The following PTPDC1 variants were observed in gnomAD, a reference collection of about 807,000 sequenced individuals.
PTPDC1 encodes the protein protein tyrosine phosphatase domain-containing protein 1.
A neutral mutation model predicts 75.3 loss-of-function variants in PTPDC1; 53 were observed. The observed-to-expected ratio is 0.70, with a 90% CI of 0.56 to 0.88. The LOEUF (loss-of-function observed/expected upper bound fraction) is 0.88. Among genes scored for constraint, PTPDC1 ranks in the 40% least tolerant of loss-of-function variants. PTPDC1 has a pLI of 0.00. For synonymous variants in PTPDC1, 349 were observed against 366.2 expected (o/e 0.95, Z 0.54); for missense variants, 925 against 998.6 (o/e 0.93, Z 0.99).
chr9:94,046,953 G>T (rs1163997482), intron 1 of PTPDC1, among the ~76,000 whole-genome samples: 4 of 152,160 alleles, frequency 2.6e-5, no homozygotes, highest in Non-Finnish European at 5.9e-5. Flanking sequence ...TCCAGTTTTT[G>T]CCCATTCAGT....
chr9:94,107,053 C>T (rs756942588), intron 8 of PTPDC1, among the ~76,000 whole-genome samples: 9 of 152,020 alleles, frequency 5.9e-5, no homozygotes, highest in Admixed American at 2.0e-4. Context: ...TCCTGGGCTC[C>T]GGCAATCCTC....
rs1827504371 is a variant in PTPDC1, at chr9:94,095,064, G to A, written c.617-253G>A. On this transcript the variant is annotated intron_variant, in intron 4 of 8. Transcript: ENST00000620992. The stretch of plus-strand genomic sequence containing the variant: ...TGCGTCGCTCACGCTGGGAGCTGTA[G>A]ACCGGAGCTGTTCCTATTCGGCCAT... Among the ~76,000 whole-genome samples the A allele has an allele frequency of 1.3e-5, 2 of 152,250 alleles. 1 individual carries two copies. Among genetic ancestry groups the A allele is most frequent in the African/African-American group, 4.8e-5 (2 of 41,468 alleles).
chr9:94,103,968 G>C (rs549019425), intron 7 of PTPDC1, among the ~76,000 whole-genome samples: 1 of 152,290 alleles, frequency 6.6e-6, no homozygotes, highest in South Asian at 2.1e-4. Flanking sequence ...GAAACAACAA[G>C]AATGGGAAAA....
At chr9:94,101,540 G>A (rs1827841840) in intron 6 of PTPDC1, 26 bp from the exon 7 acceptor site, 1 of 1,583,490 alleles carries the variant, frequency 6.3e-7, no homozygotes, top group Non-Finnish European at 8.7e-7. Context: ...GTCTCTGTCT[G>A]TCTGTCTCTT....
At chr9:94,075,006 G>A (rs1324767501) in intron 2 of PTPDC1, among the ~76,000 whole-genome samples, 3 of 152,140 alleles carry the variant, frequency 2.0e-5, no homozygotes, top group African/African-American at 7.2e-5. Flanking sequence ...GCCTGGTATT[G>A]ACTAATCCCA....
Position 94,097,629 on chromosome 9 carries a change from G to A in PTPDC1, c.1063G>A (p.Glu355Lys). ...TTGCAAATTGCTGCTGGACTTAGCG[G>A]AGAACAGGCCAGTGATGATGAAGGA... ...LVCKLLLDLA[E>K]NRPVMMKDVS... Residue 355 changes from glutamate to lysine, a missense_variant, in exon 6 of 9, where the codon GAG becomes AAG. Coordinates refer to ENST00000620992, the MANE Select transcript of PTPDC1 (RefSeq NM_001253829.2). 3 of 1,614,002 alleles carry A rather than the reference G, an allele frequency of 1.9e-6. No homozygotes were observed. In the South Asian group the frequency reaches 3.3e-5, roughly 18 times the overall value.
In PTPDC1 at chr9:94,109,115, G is replaced by T. The variant is rs1209715917; in HGVS notation, c.*1171G>T. On this transcript the variant is annotated 3_prime_UTR_variant, in exon 9 of 9. Coordinates refer to ENST00000620992, the MANE Select transcript of PTPDC1 (RefSeq NM_001253829.2). Reference sequence around the variant, plus strand: ...GCCCTAACTGGCTTCATGTAAGAAGGGTGACTGCCTAAACTAGTTCCTTGT... The same window carrying T: ...GCCCTAACTGGCTTCATGTAAGAAGTGTGACTGCCTAAACTAGTTCCTTGT... 1 of 152,144 alleles carries T rather than the reference G, an allele frequency of 6.6e-6. No individual in the cohort carries two copies. Among genetic ancestry groups the T allele is most frequent in the African/African-American group, 2.4e-5 (1 of 41,422 alleles). The allele number at this position is 152,144 out of a possible 1,614,324, so 9.4% of individuals were successfully genotyped here. A position where few individuals can be genotyped will look rare whatever the true frequency, so the allele number is the denominator to read the frequency against.
rs751926700 is a variant in PTPDC1, at chr9:94,095,333, C to G, written c.633C>G (p.Phe211Leu). ...TTTTCCTAGTTTACTTCTACAATTT[C>G]GGATGGAAGGATTATGGTGTAGCGT... ...FMEAGIYFYN[F>L]GWKDYGVASL... Residue 211 changes from phenylalanine (F) to leucine (L), a missense_variant, in exon 5 of 9, where the codon TTC becomes TTG. Coordinates refer to ENST00000620992, the MANE Select transcript of PTPDC1 (RefSeq NM_001253829.2). The G allele has an allele frequency of 6.2e-7, 1 of 1,602,942 alleles. No homozygotes were observed. The highest frequency in any genetic ancestry group is 1.3e-5 in the African/African-American group (1 of 74,248).
At chr9:94,088,470 G>A (rs1827155639) in intron 4 of PTPDC1, among the ~76,000 whole-genome samples, 1 of 152,218 alleles carries the variant, frequency 6.6e-6, no homozygotes, top group African/African-American at 2.4e-5. Context: ...GTTGGGAGGA[G>A]ACCCTGTAGT....
intron 4 of PTPDC1, among the ~76,000 whole-genome samples, chr9:94,093,545 A>G (rs1411550473): frequency 2.0e-5 from 3 of 151,600 alleles, no homozygotes; most frequent in Admixed American, 6.6e-5. Context: ...ACTTTGGTGA[A>G]TCTGACAATT....
intron 1 of PTPDC1, among the ~76,000 whole-genome samples, chr9:94,050,817 T>G (rs1825765139): frequency 6.6e-6 from 1 of 152,110 alleles, no homozygotes; most frequent in Non-Finnish European, 1.5e-5. Flanking sequence ...AGAGGTGGAG[T>G]CTACAGAGGC....
chr9:94,083,786 T>C (rs953413629), upstream of PTPDC1, among the ~76,000 whole-genome samples: 4 of 152,216 alleles, frequency 2.6e-5, no homozygotes, highest in Non-Finnish European at 5.9e-5. Flanking sequence ...GAATGGTGTT[T>C]TGAGTTTTTG....
At position 94,106,046 on chromosome 9, in the gene PTPDC1, A is replaced by T. The variant is rs141020907; in HGVS notation, c.2310+1661A>T. On this transcript the variant is annotated intron_variant, in intron 8 of 8. Coordinates refer to ENST00000620992, the MANE Select transcript of PTPDC1 (RefSeq NM_001253829.2). ...GTTTTTTGCAAAGGGGATAGATAAT[A>T]TAGTTATAGATAAAATTAAATTCCT... Among the ~76,000 whole-genome samples, 135 of 152,296 alleles carry T rather than the reference A, an allele frequency of 8.9e-4. 1 individual carries two copies. The highest frequency in any genetic ancestry group is 2.8e-3 in the African/African-American group (116 of 41,566).
chr9:94,090,889 G>A (rs1284738501), intron 4 of PTPDC1, among the ~76,000 whole-genome samples: 3 of 148,464 alleles, frequency 2.0e-5, no homozygotes, highest in Admixed American at 6.7e-5. Flanking sequence ...TTTGTCTGTT[G>A]TTGGTGTATA....
At position 94,097,539 on chromosome 9, in the gene PTPDC1, C is replaced by T. The variant is rs141265646; in HGVS notation, c.973C>T (p.Arg325Cys). Residue 325 changes from arginine to cysteine, a missense_variant, in exon 6 of 9, where the codon CGT (arginine) becomes TGT (cysteine). Transcript: ENST00000620992. Reference sequence around the variant, plus strand: ...CTTACCTCAATATCTAATTCGCCAGCGTCATCTGCTTCATGGTTATGAGGC... The same window carrying T: ...CTTACCTCAATATCTAATTCGCCAGTGTCATCTGCTTCATGGTTATGAGGC... ...VTLPQYLIRQRHLLHGYEARL... is the reference protein window; with the variant it reads ...VTLPQYLIRQCHLLHGYEARL... 5.6e-6 allele frequency: 9 copies of T among 1,613,996 alleles called. No homozygotes were observed. In the African/African-American group the frequency reaches 8.0e-5, roughly 14 times the overall value.
In PTPDC1 at chr9:94,101,709, C is replaced by G. The variant is rs757290019; in HGVS notation, c.2157C>G (p.Asp719Glu). ...AAGAGGATGTGGACATGTTGGTTGA[C>G]AGGCGAGCAGATGCCGCAGAAGCAC... ...ITKEDVDMLVDRRADAAEALF... is the reference protein window; with the variant it reads ...ITKEDVDMLVERRADAAEALF... The change falls in exon 7 of 9, where the codon GAC (aspartate) becomes GAG (glutamate). Residue 719 changes from aspartate (D) to glutamate (E), a missense_variant. Transcript: ENST00000620992. The G allele has an allele frequency of 1.1e-5, 18 of 1,612,024 alleles. No homozygotes were observed. The African/African-American group carries it at 1.6e-4, about 14-fold the overall frequency.
rs527384470 is a variant in PTPDC1 at position 94,104,380 on chromosome 9, A to T, written c.2305A>T (p.Thr769Ser). The change falls in exon 8 of 9, where the codon ACT (threonine) becomes TCT (serine). Residue 769 changes from threonine to serine, a missense_variant. By Grantham distance (58) the Thr-to-Ser change is moderately conservative. Coordinates refer to ENST00000620992, the MANE Select transcript of PTPDC1 (RefSeq NM_001253829.2). ...CCTTGCCCATGCCATTAAGGCATTC[A>T]CTAAGGTGGGTCATACTCTTCCTTT... ...AFLAHAIKAF[T>S]KVNFDSENGP... 96 of 1,606,052 alleles carry T rather than the reference A, an allele frequency of 6.0e-5. No individual in the cohort carries two copies. In the South Asian group the frequency reaches 9.7e-4, roughly 16 times the overall value.
At chr9:94,076,844 A>C (rs928178314) in intron 2 of PTPDC1, among the ~76,000 whole-genome samples, 3 of 152,048 alleles carry the variant, frequency 2.0e-5, no homozygotes, top group African/African-American at 7.2e-5. Context: ...ATTGATACTT[A>C]TTATTGTCGG....
At chr9:94,106,009 T>G (rs1318795267) in intron 8 of PTPDC1, among the ~76,000 whole-genome samples, 1 of 151,874 alleles carries the variant, frequency 6.6e-6, no homozygotes, top group Non-Finnish European at 1.5e-5. Flanking sequence ...CCATTATTAA[T>G]GTTAATAAGG....
Sources: gnomAD v4.1 joint callset for allele counts (sites outside exome capture counted in the v4.1 genomes callset) on GRCh38, gnomAD v4.1.1 for gene constraint, MANE v1.5 for transcripts, NCBI Gene and HGNC (gene_info 2026-07-23, HGNC 2026-07-21) for gene names.